Variants in TMPRSS6 observed in about 807,000 individuals in gnomAD.
TMPRSS6 encodes the protein transmembrane serine protease 6, also known as transmembrane protease serine 6.
In TMPRSS6, 67 loss-of-function variants were observed where a neutral mutation model predicts 101.5. The ratio of observed to expected loss-of-function variants is 0.66; its 90% CI spans 0.54 to 0.81. The LOEUF (loss-of-function observed/expected upper bound fraction) is 0.81. Among genes scored for constraint, TMPRSS6 ranks in the 30% least tolerant of loss-of-function variants. The pLI, the probability that TMPRSS6 is intolerant of heterozygous loss-of-function variation, is 0.00. For missense variants in TMPRSS6, 1,034 were observed against 1,088.7 expected, an observed-to-expected ratio of 0.95 and a Z score of 0.71; for synonymous variants, 453 against 464.9, an observed-to-expected ratio of 0.97 and a Z score of 0.33.
chr22:37,095,934 T>A lies in TMPRSS6; in HGVS notation c.561A>T (p.Glu187Asp), dbSNP rs749369051. 1.9e-6 allele frequency: 3 copies of A among 1,614,142 alleles called. No individual in the cohort carries two copies. Among genetic ancestry groups the A allele is most frequent in the South Asian group, 2.2e-5 (2 of 91,078 alleles). ...GGATCACTAGGCCCTCGGGGTCCAC[T>A]TCGTACTCGGCCCTGTAGGGGACGG... ...SAAVPYRAEY[E>D]VDPEGLVILE... Residue 187 changes from glutamate to aspartate, a missense_variant, in exon 5 of 18, where the codon GAA (glutamate) becomes GAT (aspartate). Transcript: ENST00000676104.
chr22:37,076,139 TTCAATGTG>T (rs1927654116), intron 10 of TMPRSS6, among the ~76,000 whole-genome samples: 2 of 152,050 alleles, frequency 1.3e-5, no homozygotes, highest in Non-Finnish European at 2.9e-5. Context: ...GACAAAAGGC[TTCAATGTG>T]TCAGTTGAGG....
At chr22:37,072,637 T>C (rs1196825213) in intron 13 of TMPRSS6, among the ~76,000 whole-genome samples, 11 of 132,234 alleles carry the variant, frequency 8.3e-5, no homozygotes, top group Non-Finnish European at 1.3e-4. Context: ...GGATGGATGA[T>C]GGACGGATGG....
At chr22:37,071,590 A>G (rs1357802521) in intron 13 of TMPRSS6, among the ~76,000 whole-genome samples, 2 of 152,190 alleles carry the variant, frequency 1.3e-5, no homozygotes, top group East Asian at 1.9e-4. Context: ...AGAGTCACCC[A>G]TCATATCCTC....
chr22:37,098,661 G>C (rs2146170556), intron 2 of TMPRSS6, 112 bp from the exon 3 acceptor site: 1 of 1,404,674 alleles, frequency 7.1e-7, no homozygotes, highest in East Asian at 2.3e-5. Context: ...CAGTGTCTTG[G>C]GTCTCCATGG....
At chr22:37,091,014 G>A (rs1929215314) in intron 6 of TMPRSS6, among the ~76,000 whole-genome samples, 1 of 151,346 alleles carries the variant, frequency 6.6e-6, no homozygotes, top group Admixed American at 6.6e-5. Flanking sequence ...ACACACCAGT[G>A]AGTCTCTGCT....
intron 1 of TMPRSS6, among the ~76,000 whole-genome samples, chr22:37,107,519 C>T (rs1930787720): frequency 6.6e-6 from 1 of 150,664 alleles, no homozygotes; most frequent in Non-Finnish European, 1.5e-5. Flanking sequence ...ATCATCCAGG[C>T]CACCGTCATC....
chr22:37,073,061 TGATGGATG>T (rs569666222), intron 13 of TMPRSS6, among the ~76,000 whole-genome samples: 10 of 133,668 alleles, frequency 7.5e-5, no homozygotes, highest in African/African-American at 2.6e-4. Flanking sequence ...GATGGATGGA[TGATGGATG>T]GATGGATGGA....
chr22:37,092,693 G>A (rs957454948), intron 6 of TMPRSS6, among the ~76,000 whole-genome samples: 1 of 152,142 alleles, frequency 6.6e-6, no homozygotes, highest in African/African-American at 2.4e-5. Context: ...ATGGGGTTTT[G>A]CCATGTTGGC....
Position 37,103,481 on chromosome 22 carries a change from C to T in TMPRSS6, c.-1-63G>A. Reference sequence around the variant, plus strand: ...CATTTGCAAGGGAGCCTCTGCTGAGCACCGGTGGGGCACGGAAGCAGGACT... The same window carrying T: ...CATTTGCAAGGGAGCCTCTGCTGAGTACCGGTGGGGCACGGAAGCAGGACT... On this transcript the variant is annotated intron_variant, in intron 1 of 17. Coordinates refer to ENST00000676104, the MANE Select transcript of TMPRSS6 (RefSeq NM_001374504.1). This position sits in a 1 kb window ranked among gnomAD's most constrained non-coding sequence, Gnocchi z 4.4. 1.2e-6 allele frequency: 2 copies of T among 1,614,234 alleles called. No individual in the cohort carries two copies. Among genetic ancestry groups the T allele is most frequent in the Non-Finnish European group, 1.7e-6 (2 of 1,180,052 alleles).
At chr22:37,075,063 C>T in intron 11 of TMPRSS6, 72 bp downstream of exon 11, 7 of 1,610,814 alleles carry the variant, frequency 4.3e-6, no homozygotes, top group Non-Finnish European at 5.1e-6. Context: ...CCCACAGCCC[C>T]CTTGGTGGTT....
intron 13 of TMPRSS6, among the ~76,000 whole-genome samples, 186 bp downstream of exon 13, chr22:37,073,346 A>AGATG (rs61496676): frequency 0.12 from 16,507 of 140,818 alleles, 1,201 homozygotes; most frequent in African/African-American, 0.2. Context: ...GGAGACCAGA[A>AGATG]GATGGATGGA....
chr22:37,103,682 C>A lies in TMPRSS6; in HGVS notation c.-1-264G>T. 8.0e-7 allele frequency: 1 copy of A among 1,244,528 alleles called. No individual in the cohort carries two copies. Among genetic ancestry groups the A allele is most frequent in the East Asian group, 2.4e-5 (1 of 42,536 alleles). 77.1% of individuals were successfully genotyped at this position (1,244,528 alleles called of 1,614,324 possible). ...CCCACCTTTGCTTCCCACTGGCTTC[C>A]CTATGGTCAGAGGACAGACGGAGGT... On this transcript the variant is annotated intron_variant, in intron 1 of 17. Transcript: ENST00000676104. The surrounding 1 kb of genome is among the most constrained non-coding windows in gnomAD (Gnocchi z 4.4).
chr22:37,108,954 G>A (rs898721418), intron 1 of TMPRSS6, among the ~76,000 whole-genome samples: 6 of 152,138 alleles, frequency 3.9e-5, no homozygotes, highest in African/African-American at 1.2e-4. Context: ...ATGGAGACAC[G>A]CGGAGGGATA....
At chr22:37,068,636 T>C (rs1037172628) in intron 16 of TMPRSS6, 3 of 779,684 alleles carry the variant, frequency 3.8e-6, no homozygotes, top group African/African-American at 1.7e-5. Flanking sequence ...CTCTGAGCCT[T>C]GGTTTCTCCA....
intron 6 of TMPRSS6, among the ~76,000 whole-genome samples, chr22:37,090,481 G>C (rs532329022): frequency 3.9e-5 from 6 of 152,312 alleles, no homozygotes; most frequent in Admixed American, 2.0e-4. Flanking sequence ...GGCTGCCCTG[G>C]GGGGAGGACA....
intron 13 of TMPRSS6, among the ~76,000 whole-genome samples, chr22:37,071,539 T>C (rs544997542): frequency 1.3e-5 from 2 of 152,348 alleles, no homozygotes; most frequent in East Asian, 3.9e-4. Context: ...GCTTTTCATG[T>C]CTGACCTCCT....
intron 4 of TMPRSS6, among the ~76,000 whole-genome samples, chr22:37,096,373 C>T (rs1929766599): frequency 6.6e-6 from 1 of 152,216 alleles, no homozygotes; most frequent in Non-Finnish European, 1.5e-5. Context: ...ATGCTTTTAA[C>T]CCCATGCCCC....
intron 13 of TMPRSS6, among the ~76,000 whole-genome samples, chr22:37,072,549 AATGG>A (rs141217646): frequency 1.9e-3 from 150 of 80,010 alleles, no homozygotes; most frequent in Non-Finnish European, 2.7e-3. Context: ...ATGATGGATG[AATGG>A]ATGGATGATG....
chr22:37,096,823 G>T (rs1929809256), intron 3 of TMPRSS6, 108 bp from the exon 4 acceptor site: 1 of 1,094,646 alleles, frequency 9.1e-7, no homozygotes, highest in South Asian at 1.3e-5. Flanking sequence ...CTCCATGCAT[G>T]ATTCTCCAAG....
Sources: allele counts gnomAD v4.1 joint callset (sites outside exome capture counted in the v4.1 genomes callset), GRCh38; gene constraint gnomAD v4.1.1; non-coding constraint Gnocchi (gnomAD v3.1); transcripts MANE v1.5; gene names NCBI Gene and HGNC (gene_info 2026-07-23, HGNC 2026-07-21).